RNF220: variants seen among roughly 807,000 people sequenced by gnomAD.
The protein encoded by RNF220 is E3 ubiquitin-protein ligase RNF220.
Under a neutral mutation model 67.1 loss-of-function variants are expected in RNF220, and 7 were observed. That is an observed-to-expected ratio of 0.10 (90% CI 0.06 to 0.20). The LOEUF (loss-of-function observed/expected upper bound fraction) is 0.20, where lower values mean the gene tolerates loss of function less well. RNF220 is among the 10% of genes least tolerant of loss of function. The pLI is 1.00. For synonymous variants in RNF220, 270 were observed against 283.2 expected, an observed-to-expected ratio of 0.95 and a Z score of 0.47; for missense variants, 565 against 740.3, an observed-to-expected ratio of 0.76 and a Z score of 2.75.
At chr1:44,432,898 TTC>T (rs202114526) in intron 2 of RNF220, among the ~76,000 whole-genome samples, 18,652 of 115,662 alleles carry the variant, frequency 0.16, 1,562 homozygotes, top group Middle Eastern at 0.22. Context: ...AAATTGGCTT[TTC>T]TTTTTTTTTT....
At position 44,408,546 on chromosome 1, in the gene RNF220, C is replaced by T. The variant is rs6679589; in HGVS notation, c.-118+3016C>T. On this transcript the variant is annotated intron_variant, in intron 1 of 14. Transcript: ENST00000361799. ...TTTTTCCTGCGTTCTTAACAACCCCCCACTACTCTGCCTCATTTCCCATTG... is the reference window on the plus strand; with the variant it reads ...TTTTTCCTGCGTTCTTAACAACCCCTCACTACTCTGCCTCATTTCCCATTG... Among the ~76,000 whole-genome samples, 330 of 152,346 alleles carry T rather than the reference C, an allele frequency of 2.2e-3. 3 individuals are homozygous for T. The highest frequency in any genetic ancestry group is 7.6e-3 in the African/African-American group (317 of 41,578).
At chr1:44,642,785 T>C (rs1022082721) in intron 8 of RNF220, among the ~76,000 whole-genome samples, 2 of 152,148 alleles carry the variant, frequency 1.3e-5, no homozygotes, top group Non-Finnish European at 2.9e-5. Context: ...TTTCCACTTA[T>C]AAGGCAGGGC....
chr1:44,585,489 C>T (rs901722287), intron 2 of RNF220, among the ~76,000 whole-genome samples: 1 of 152,240 alleles, frequency 6.6e-6, no homozygotes, highest in South Asian at 2.1e-4. Context: ...GGCTGTTCTA[C>T]CTAAGTCCCT....
chr1:44,609,129 A>G (rs1374689273), intron 2 of RNF220, among the ~76,000 whole-genome samples: 1 of 152,120 alleles, frequency 6.6e-6, no homozygotes, highest in Non-Finnish European at 1.5e-5. Context: ...GTCACTAGGA[A>G]ATGGAAGTCT....
chr1:44,616,775 C>A (rs1643568126), intron 3 of RNF220, among the ~76,000 whole-genome samples: 2 of 152,170 alleles, frequency 1.3e-5, no homozygotes, highest in Admixed American at 1.3e-4. Flanking sequence ...GGAGCATGCC[C>A]AGCCTTGTAA....
In RNF220 at chr1:44,606,124, G is replaced by A. The variant is rs1015858986; in HGVS notation, c.626-8041G>A. 2.6e-5 allele frequency among the ~76,000 whole-genome samples: 4 copies of A among 152,166 alleles called. No homozygotes were observed. Among genetic ancestry groups the A allele is most frequent in the African/African-American group, 7.2e-5 (3 of 41,442 alleles). On this transcript the variant is annotated intron_variant, in intron 2 of 14. Coordinates refer to ENST00000361799, the MANE Select transcript of RNF220 (RefSeq NM_018150.4). This position sits in a 1 kb window ranked among gnomAD's most constrained non-coding sequence, Gnocchi z 4.2. The stretch of plus-strand genomic sequence containing the variant: ...TTCAAATCCGCTGCCCCGCCCCAGC[G>A]GGAGGCCCCAGCCAGACAAGTGTAT...
chr1:44,474,252 G>A (rs1265026554), intron 2 of RNF220, among the ~76,000 whole-genome samples: 1 of 151,840 alleles, frequency 6.6e-6, no homozygotes, highest in Middle Eastern at 3.2e-3. Context: ...GTGTGTGCCT[G>A]TAATCCCAGC....
At position 44,565,542 on chromosome 1, in the gene RNF220, C is replaced by T. The variant is rs1572897556; in HGVS notation, c.626-48623C>T. ...ATTCCTCAGCGCTAATGCCCCCAGC[C>T]TAACACAATTACCCCTTCCTTCTCC... On this transcript the variant is annotated intron_variant, in intron 2 of 14. Coordinates refer to ENST00000361799, the MANE Select transcript of RNF220 (RefSeq NM_018150.4). The surrounding 1 kb of genome is among the most constrained non-coding windows in gnomAD (Gnocchi z 4.2). Among the ~76,000 whole-genome samples the T allele has an allele frequency of 6.6e-6, 1 of 152,304 alleles. No homozygotes were observed. Among genetic ancestry groups the T allele is most frequent in the East Asian group, 1.9e-4 (1 of 5,186 alleles).
chr1:44,467,902 A>C (rs557008753), intron 2 of RNF220, among the ~76,000 whole-genome samples: 1 of 152,220 alleles, frequency 6.6e-6, no homozygotes, highest in South Asian at 2.1e-4. Context: ...AGGTCCTTGT[A>C]GGGTTATTAA....
chr1:44,552,268 C>T (rs1473656296), intron 2 of RNF220, among the ~76,000 whole-genome samples: 2 of 152,050 alleles, frequency 1.3e-5, no homozygotes, highest in South Asian at 2.1e-4. Flanking sequence ...CCTGTAAGTC[C>T]AGCACTTTGG....
At chr1:44,557,422 G>A (rs915520855) in intron 2 of RNF220, among the ~76,000 whole-genome samples, 1 of 151,104 alleles carries the variant, frequency 6.6e-6, no homozygotes, top group East Asian at 2.0e-4. Context: ...GAAGGAAGGA[G>A]GGAGGGAGGG....
chr1:44,486,217 C>T (rs1347870984), intron 2 of RNF220, among the ~76,000 whole-genome samples: 1 of 152,070 alleles, frequency 6.6e-6, no homozygotes, highest in African/African-American at 2.4e-5. Context: ...AGCATTCGCC[C>T]AGAACAAAGT....
At chr1:44,479,636 T>A (rs1162949665) in intron 2 of RNF220, among the ~76,000 whole-genome samples, 3 of 152,218 alleles carry the variant, frequency 2.0e-5, no homozygotes, top group African/African-American at 7.2e-5. Context: ...TGATTTTGAC[T>A]TCACCTGGAA....
At chr1:44,529,348 T>TACACAC (rs143407827) in intron 2 of RNF220, among the ~76,000 whole-genome samples, 2 of 149,894 alleles carry the variant, frequency 1.3e-5, no homozygotes, top group African/African-American at 2.5e-5. Flanking sequence ...AAAAAGGAAT[T>TACACAC]ACACACACAC....
At chr1:44,439,602 TC>T (rs1463815249) in intron 2 of RNF220, among the ~76,000 whole-genome samples, 6 of 152,192 alleles carry the variant, frequency 3.9e-5, no homozygotes, top group African/African-American at 1.4e-4. Flanking sequence ...AGGCAGTGTG[TC>T]CAGAATAGCC....
intron 2 of RNF220, among the ~76,000 whole-genome samples, chr1:44,543,859 C>T (rs894694057): frequency 6.6e-6 from 1 of 152,214 alleles, no homozygotes; most frequent in African/African-American, 2.4e-5. Context: ...TCAACGCCAG[C>T]TCTGATCCCA....
chr1:44,411,413 A>AATGTGTATCTTTTATCC (rs1647948839), intron 1 of RNF220, among the ~76,000 whole-genome samples: 1 of 152,166 alleles, frequency 6.6e-6, no homozygotes, highest in South Asian at 2.1e-4. Context: ...TGTATATGCC[A>AATGTGTATCTTTTATCC]ATGTGTATCT....
intron 2 of RNF220, among the ~76,000 whole-genome samples, chr1:44,435,099 A>G (rs1205078796): frequency 6.6e-6 from 1 of 152,152 alleles, no homozygotes; most frequent in African/African-American, 2.4e-5. Flanking sequence ...CTTTTCCCAT[A>G]GTAGGTACTC....
chr1:44,591,913 A>ACCT (rs746432451), intron 2 of RNF220, among the ~76,000 whole-genome samples: 7 of 150,182 alleles, frequency 4.7e-5, no homozygotes, highest in African/African-American at 1.5e-4. Flanking sequence ...CCGAGCCCTG[A>ACCT]CCTCCTCCTC....
Sources: gnomAD v4.1 joint callset for allele counts (sites outside exome capture counted in the v4.1 genomes callset) on GRCh38, gnomAD v4.1.1 for gene constraint, Gnocchi (gnomAD v3.1) non-coding constraint, MANE v1.5 for transcripts, NCBI Gene and HGNC (gene_info 2026-07-23, HGNC 2026-07-21) for gene names.